The following INTS6 variants were observed in gnomAD, a reference collection of about 807,000 sequenced individuals.
The protein encoded by INTS6 is integrator complex subunit 6.
INTS6 carries 16 observed loss-of-function variants against 104.9 expected under a neutral mutation model. The ratio of observed to expected loss-of-function variants is 0.15; its 90% CI spans 0.10 to 0.23. The LOEUF (loss-of-function observed/expected upper bound fraction) is 0.23, where lower values mean the gene tolerates loss of function less well. Among genes scored for constraint, INTS6 ranks in the 10% least tolerant of loss-of-function variants. INTS6 has a pLI of 1.00. For synonymous variants in INTS6, 324 were observed against 358.7 expected (o/e 0.90, Z 1.09); for missense variants, 584 against 1,062.8 (o/e 0.55, Z 6.26).
At chr13:51,421,863 C>A (rs1312967469) in intron 4 of INTS6, among the ~76,000 whole-genome samples, 2 of 152,140 alleles carry the variant, frequency 1.3e-5, no homozygotes, top group Non-Finnish European at 2.9e-5. Flanking sequence ...AAAACACACA[C>A]ACACACTGCT....
chr13:51,423,001 T>G (rs761866434), intron 4 of INTS6: 2 of 1,143,254 alleles, frequency 1.7e-6, no homozygotes, highest in Non-Finnish European at 2.3e-6. Context: ...AGATTTATCT[T>G]AATGTATTAC....
downstream of INTS6, among the ~76,000 whole-genome samples, chr13:51,349,696 C>T (rs2137788051): frequency 6.6e-6 from 1 of 152,338 alleles, no homozygotes; most frequent in Non-Finnish European, 1.5e-5. Context: ...CCTGATTCTG[C>T]TTTTAGGAGT....
At chr13:51,351,046 T>C (rs1219982088), downstream of INTS6, among the ~76,000 whole-genome samples, 5 of 152,206 alleles carry the variant, frequency 3.3e-5, no homozygotes, top group Admixed American at 3.3e-4. Flanking sequence ...TATTCATCAA[T>C]TTATAGATAT....
Position 51,387,394 on chromosome 13 carries a change from G to A in INTS6, c.886C>T (p.Pro296Ser). 2 of 1,609,954 alleles carry A rather than the reference G, an allele frequency of 1.2e-6. No individual in the cohort carries two copies. The highest frequency in any genetic ancestry group is 1.7e-6 in the Non-Finnish European group (2 of 1,177,888). ...PESFWPDQNS[P>S]TLPPRTSHPV... is the part of the protein sequence containing the mutation. ...CAGTCTCTGGTACTTACTAGTGTTG[G>A]CGAATTTTGATCTGGCCAAAAAGAC... Residue 296 changes from proline to serine, a missense_variant, in exon 7 of 18, where the codon CCA becomes TCA. By Grantham distance (74) the Pro-to-Ser change is moderately conservative. Transcript: ENST00000311234.
chr13:51,361,298 T>C (rs1209273262), downstream of INTS6: 6 of 1,609,620 alleles, frequency 3.7e-6, no homozygotes, highest in Non-Finnish European at 8.5e-7. Flanking sequence ...CTTTTATGTT[T>C]CTGAAGCAAT....
chr13:51,400,076 T>C (rs777381824), intron 4 of INTS6, among the ~76,000 whole-genome samples: 3 of 152,314 alleles, frequency 2.0e-5, no homozygotes, highest in Admixed American at 1.3e-4. Context: ...ATGAACCCTA[T>C]TGTGAACTGC....
intron 4 of INTS6, among the ~76,000 whole-genome samples, chr13:51,414,017 C>T (rs918783774): frequency 1.3e-5 from 2 of 152,316 alleles, no homozygotes; most frequent in Non-Finnish European, 1.5e-5. Context: ...TTCCACTCTG[C>T]CTTACAGCTA....
rs1955586599 is a variant in INTS6, at chr13:51,361,957, C to G, written c.*3795G>C. On this transcript the variant is annotated 3_prime_UTR_variant, in exon 18 of 18. Transcript: ENST00000311234. ...CAGTGTCTCTCTAGCAACAAGGGCT[C>G]ATTTGTCCACTATCCCCTCAAAAAT... 6.2e-7 allele frequency: 1 copy of G among 1,611,504 alleles called. No individual in the cohort carries two copies. Among genetic ancestry groups the G allele is most frequent in the Non-Finnish European group, 8.5e-7 (1 of 1,178,576 alleles).
At chr13:51,378,101 A>G in intron 12 of INTS6, 138 bp downstream of exon 12, 1 of 651,532 alleles carries the variant, frequency 1.5e-6, no homozygotes, top group East Asian at 2.7e-5. Context: ...GTGACAGTAT[A>G]ATGATCATTA....
At chr13:51,353,800 T>C (rs117312052), downstream of INTS6, among the ~76,000 whole-genome samples, 388 of 152,306 alleles carry the variant, frequency 2.5e-3, 1 homozygote, top group Non-Finnish European at 4.6e-3. Flanking sequence ...TATTAAATGG[T>C]CTTGTTCAAT....
intron 3 of INTS6, chr13:51,446,882 G>A (rs1453798467): frequency 1.3e-5 from 2 of 152,064 alleles, no homozygotes; most frequent in Non-Finnish European, 2.9e-5. Flanking sequence ...TAGAATAGAG[G>A]TTTCCAGGGA....
intron 15 of INTS6, among the ~76,000 whole-genome samples, chr13:51,373,022 C>T (rs528205578): frequency 1.1e-4 from 17 of 152,158 alleles, no homozygotes; most frequent in East Asian, 7.7e-4. Flanking sequence ...AAAATCCTTC[C>T]GTACCCCTTT....
rs200028933 is a variant in INTS6 at position 51,451,193 on chromosome 13, G to C, written c.190-19C>G. On this transcript the variant is annotated intron_variant, in intron 2 of 17. Coordinates refer to ENST00000311234, the MANE Select transcript of INTS6 (RefSeq NM_012141.3). The stretch of plus-strand genomic sequence containing the variant: ...ATCCAGCCTGAAAAGAAAAATGTAA[G>C]ATTTTTTTTTTTCATTTTTTAAAGC... 22 of 1,527,780 alleles carry C rather than the reference G, an allele frequency of 1.4e-5. No homozygotes were observed. Among genetic ancestry groups the C allele is most frequent in the South Asian group, 9.3e-5 (7 of 75,344 alleles). 94.6% of individuals were successfully genotyped at this position (1,527,780 alleles called of 1,614,324 possible). A position where few individuals can be genotyped will look rare whatever the true frequency, so the allele number is the denominator to read the frequency against.
chr13:51,412,510 C>T (rs781025404), intron 4 of INTS6, among the ~76,000 whole-genome samples: 63 of 152,130 alleles, frequency 4.1e-4, no homozygotes, highest in Non-Finnish European at 7.9e-4. Context: ...TCTTTCCATG[C>T]GGACACAAAA....
At chr13:51,398,016 A>G (rs977433435) in intron 4 of INTS6, among the ~76,000 whole-genome samples, 1 of 152,184 alleles carries the variant, frequency 6.6e-6, no homozygotes, top group Non-Finnish European at 1.5e-5. Context: ...TCAATTTTAT[A>G]AACTTTAGGC....
At chr13:51,344,394 G>A in the INTS6 span, 1 of 1,612,326 alleles carries the variant, frequency 6.2e-7, no homozygotes, top group African/African-American at 1.3e-5. Context: ...ACGTCTCCTG[G>A]TGGGCTAACA....
chr13:51,344,298 C>T, the INTS6 span: 1 of 1,613,952 alleles, frequency 6.2e-7, no homozygotes, highest in South Asian at 1.1e-5. Context: ...CCACACTACC[C>T]ACCTCCAGCC....
Position 51,369,211 on chromosome 13 carries a change from T to C in INTS6, c.2204A>G (p.Glu735Gly). The part of the protein sequence containing the change: ...SDITPNAMDT[E>G]FSASSPASLL... The stretch of plus-strand genomic sequence containing the variant: ...ACTGGCTGGAGAAGATGCTGAAAAT[T>C]CCGTATCCATAGCATTTGGTGTAAT... Residue 735 changes from glutamate (E) to glycine (G), a missense_variant, in exon 16 of 18, where the codon GAA (glutamate) becomes GGA (glycine). By Grantham distance (98) the Glu-to-Gly change is moderately conservative. Around this residue, in one of 5 missense-constraint regions of INTS6, gnomAD observed 296 missense variants for 437.0 expected, o/e 0.68. Coordinates refer to ENST00000311234, the MANE Select transcript of INTS6 (RefSeq NM_012141.3). The C allele has an allele frequency of 6.2e-7, 1 of 1,613,842 alleles. No homozygotes were observed. The highest frequency in any genetic ancestry group is 8.5e-7 in the Non-Finnish European group (1 of 1,179,836).
chr13:51,403,583 A>AAAAAAAAAAAAAG (rs1555287274), intron 4 of INTS6, among the ~76,000 whole-genome samples: 3 of 106,416 alleles, frequency 2.8e-5, no homozygotes, highest in Admixed American at 2.5e-4. Flanking sequence ...CTCCATTTCA[A>AAAAAAAAAAAAAG]AAAAAAAAAA....
Sources: allele counts gnomAD v4.1 joint callset (sites outside exome capture counted in the v4.1 genomes callset), GRCh38; gene constraint gnomAD v4.1.1; regional missense constraint gnomAD v4.1.1; transcripts MANE v1.5; gene names NCBI Gene and HGNC (gene_info 2026-07-23, HGNC 2026-07-21).